Variants in SLC4A8 observed in about 807,000 individuals in gnomAD.
SLC4A8 encodes the protein solute carrier family 4 member 8.
Under a neutral mutation model 125.0 loss-of-function variants are expected in SLC4A8, and 40 were observed. The ratio of observed to expected loss-of-function variants is 0.32; its 90% CI spans 0.25 to 0.42. The LOEUF (loss-of-function observed/expected upper bound fraction) is 0.42, where lower values mean the gene tolerates loss of function less well. SLC4A8 is among the 10% of genes least tolerant of loss of function. SLC4A8 has a pLI of 1.00. For synonymous variants in SLC4A8, 456 were observed against 476.0 expected, an observed-to-expected ratio of 0.96 and a Z score of 0.55; for missense variants, 863 against 1,355.1, an observed-to-expected ratio of 0.64 and a Z score of 5.70.
chr12:51,409,020 C>CAT (rs1389120334), intron 1 of SLC4A8, among the ~76,000 whole-genome samples: 2 of 134,258 alleles, frequency 1.5e-5, no homozygotes, highest in South Asian at 5.0e-4. Context: ...GGAGAATTAG[C>CAT]ATATATATAT....
Position 51,416,218 on chromosome 12 carries a change from T to G in SLC4A8, c.-111-24490T>G, listed in dbSNP as rs1306760470. Among the ~76,000 whole-genome samples the G allele has an allele frequency of 8.7e-5, 13 of 149,764 alleles. No homozygotes were observed. In the East Asian group the frequency reaches 1.2e-3, roughly 13 times the overall value. On this transcript the variant is annotated intron_variant, in intron 1 of 24. Coordinates refer to the SLC4A8 transcript ENST00000358657. ...GTTTGATGGAGGTCTTTTGTTTTTT[T>G]TTTTTTTTTTTTTTGAGAATTTGTG...
At chr12:51,441,291 A>G (rs1015005427) in intron 2 of SLC4A8, 2 of 690,114 alleles carry the variant, frequency 2.9e-6, no homozygotes, top group African/African-American at 3.9e-5. Context: ...AAACAGGAAC[A>G]CACCTGTGAC....
chr12:51,460,106 A>G lies in SLC4A8; in HGVS notation c.1011A>G (p.Thr337=). The G allele has an allele frequency of 1.2e-6, 2 of 1,613,336 alleles. No homozygotes were observed. The highest frequency in any genetic ancestry group is 1.7e-6 in the Non-Finnish European group (2 of 1,179,198). The change falls in exon 8 of 25, where the codon ACA becomes ACG. Residue 337 remains threonine (T), a splice_region_variant and synonymous_variant. Transcript: ENST00000453097. ...LSGLTEVPIP[T]RFLFILLGPV... ...GCCTAACAGAAGTGCCAATCCCAAC[A>G]AGGTAAAGGCAAAGATAAAACTCAT... is the stretch of plus-strand genomic sequence containing the variant.
chr12:51,440,923 A>C (rs1949574534), intron 2 of SLC4A8, 134 bp downstream of exon 2: 1 of 955,208 alleles, frequency 1.0e-6, no homozygotes, highest in African/African-American at 1.7e-5. Context: ...CTTTAGCCTC[A>C]CTTTCCTCAT....
At chr12:51,398,556 AAT>A (rs1948310864) in intron 1 of SLC4A8, among the ~76,000 whole-genome samples, 1 of 152,212 alleles carries the variant, frequency 6.6e-6, no homozygotes, top group Admixed American at 6.5e-5. Flanking sequence ...TTTCTTATTT[AAT>A]ATCTCTCTTT....
intron 4 of SLC4A8, 53 bp downstream of exon 4, chr12:51,452,312 A>G: frequency 6.2e-7 from 1 of 1,600,108 alleles, no homozygotes; most frequent in Non-Finnish European, 8.6e-7. Flanking sequence ...GCAAGTGTGT[A>G]CCCTTCAGCA....
In SLC4A8 at chr12:51,475,212, T is replaced by C; in HGVS notation, c.2172+6T>C. On this transcript the variant is annotated splice_donor_region_variant and intron_variant, in intron 16 of 24. Coordinates refer to ENST00000453097, the MANE Select transcript of SLC4A8 (RefSeq NM_001039960.3). The stretch of plus-strand genomic sequence containing the variant: ...GCCGTTATTTCCCAACCAGAGTAGG[T>C]AGCATGTTCATGCATTTCTTTCACG... 1 of 1,613,398 alleles carries C rather than the reference T, an allele frequency of 6.2e-7. No homozygotes were observed. Among genetic ancestry groups the C allele is most frequent in the Non-Finnish European group, 8.5e-7 (1 of 1,179,424 alleles).
In SLC4A8 at chr12:51,471,332, G is replaced by C; in HGVS notation, c.1704G>C (p.Leu568=). 1.2e-6 allele frequency: 2 copies of C among 1,613,924 alleles called. No individual in the cohort carries two copies. Among genetic ancestry groups the C allele is most frequent in the Non-Finnish European group, 1.7e-6 (2 of 1,179,976 alleles). The change falls in exon 14 of 25, where the codon CTG becomes CTC. Residue 568 remains leucine, a synonymous_variant. Coordinates refer to ENST00000453097, the MANE Select transcript of SLC4A8 (RefSeq NM_001039960.3). The part of the protein sequence containing the change: ...SYLSLRACIG[L]WTAFLCIVLV... ...TCTCCCTGCGAGCTTGTATTGGACT[G>C]TGGACCGCTTTCCTGTGTATTGTCC...
intron 16 of SLC4A8, among the ~76,000 whole-genome samples, chr12:51,483,842 C>A (rs574270839): frequency 4.5e-4 from 68 of 152,068 alleles, no homozygotes; most frequent in East Asian, 2.5e-3. Context: ...GCACCCATTA[C>A]CTCATCATTT....
intron 22 of SLC4A8, chr12:51,497,353 T>C (rs1411931868): frequency 2.1e-6 from 1 of 481,186 alleles, no homozygotes; most frequent in African/African-American, 2.0e-5. Flanking sequence ...TACAATCTAC[T>C]CACCAGGCTC....
chr12:51,424,075 A>AC (rs1555186738), upstream of SLC4A8, among the ~76,000 whole-genome samples: 4 of 129,756 alleles, frequency 3.1e-5, no homozygotes, highest in Non-Finnish European at 5.2e-5. Flanking sequence ...ACAAAAAAAA[A>AC]ACAAAAAAAA....
intron 16 of SLC4A8, among the ~76,000 whole-genome samples, chr12:51,478,014 C>T (rs577319393): frequency 7.9e-5 from 12 of 152,136 alleles, no homozygotes; most frequent in Non-Finnish European, 1.8e-4. Flanking sequence ...CAGTGGCTCA[C>T]GCCTGTAATC....
intron 1 of SLC4A8, among the ~76,000 whole-genome samples, chr12:51,427,560 G>C (rs1949034683): frequency 6.6e-6 from 1 of 152,160 alleles, no homozygotes; most frequent in Admixed American, 6.5e-5. Context: ...TTGAGAGATA[G>C]GGAGGAAAAG....
chr12:51,458,337 G>A (rs1950220292), intron 6 of SLC4A8, among the ~76,000 whole-genome samples: 1 of 152,206 alleles, frequency 6.6e-6, no homozygotes, highest in African/African-American at 2.4e-5. Context: ...TCATAAATGT[G>A]TTCAGAAAGA....
At chr12:51,474,526 G>A (rs113766976) in intron 15 of SLC4A8, 79 bp downstream of exon 15, 2 of 1,530,890 alleles carry the variant, frequency 1.3e-6, no homozygotes, top group Non-Finnish European at 1.8e-6. Flanking sequence ...GGGAGGAGTA[G>A]CCCTTTGGCC....
chr12:51,427,897 C>T (rs79166922), intron 1 of SLC4A8, among the ~76,000 whole-genome samples: 475 of 152,310 alleles, frequency 3.1e-3, no homozygotes, highest in Middle Eastern at 6.8e-3. Context: ...CAGATCATGT[C>T]ACATCTTATC....
At chr12:51,498,315 T>C (rs1342970003) in intron 22 of SLC4A8, among the ~76,000 whole-genome samples, 3 of 151,974 alleles carry the variant, frequency 2.0e-5, no homozygotes, top group African/African-American at 7.2e-5. Flanking sequence ...TAATATGAAA[T>C]TGAAATGAGC....
intron 5 of SLC4A8, among the ~76,000 whole-genome samples, chr12:51,455,557 G>A (rs1352112125): frequency 6.6e-6 from 1 of 152,216 alleles, no homozygotes; most frequent in East Asian, 1.9e-4. Context: ...TGTTCTTCCT[G>A]ATGTGATTGA....
In SLC4A8 at chr12:51,515,425, A is replaced by G. The variant is rs966201759; in HGVS notation, c.*7987A>G. ...AGGAGACAATTCGAGGTGCTGGTAC[A>G]TTTCCCTTGTTTTCTATGTTCTTCT... is the stretch of plus-strand genomic sequence containing the variant. On this transcript the variant is annotated 3_prime_UTR_variant, in exon 25 of 25. Coordinates refer to ENST00000453097, the MANE Select transcript of SLC4A8 (RefSeq NM_001039960.3). The G allele has an allele frequency of 6.6e-6, 1 of 152,154 alleles. No individual in the cohort carries two copies. 9.4% of individuals were successfully genotyped at this position (152,154 alleles called of 1,614,324 possible).
Sources: gnomAD v4.1 joint callset for allele counts (sites outside exome capture counted in the v4.1 genomes callset) on GRCh38, gnomAD v4.1.1 for gene constraint, MANE v1.5 for transcripts, NCBI Gene and HGNC (gene_info 2026-07-23, HGNC 2026-07-21) for gene names.